PARP2: variants seen among roughly 807,000 people sequenced by gnomAD.
PARP2 encodes the protein poly(ADP-ribose) polymerase 2.
PARP2 carries 57 observed loss-of-function variants against 77.8 expected under a neutral mutation model. That is an observed-to-expected ratio of 0.73 (90% confidence interval 0.59 to 0.91). The LOEUF (loss-of-function observed/expected upper bound fraction) is 0.91, where lower values mean the gene tolerates loss of function less well. Among genes scored for constraint, PARP2 ranks in the 40% least tolerant of loss-of-function variants. The pLI is 0.00. For missense variants in PARP2, 651 were observed against 689.0 expected (o/e 0.94, Z 0.62); for synonymous variants, 226 against 242.6 (o/e 0.93, Z 0.64).
chr14:20,355,456 A>G (rs1002951877), intron 9 of PARP2: 11 of 230,376 alleles, frequency 4.8e-5, no homozygotes, highest in African/African-American at 1.2e-4. Context: ...ACTGTATCCA[A>G]CTGTTCCCTG....
chr14:20,344,965 A>C lies in PARP2; in HGVS notation c.80A>C (p.Asn27Thr). The change falls in exon 2 of 16, where the codon AAC becomes ACC. Residue 27 changes from asparagine to threonine, a missense_variant. Transcript: ENST00000429687. ...LNESKRVNNG[N>T]TAPEDSSPAK... ...GAAAGCAAAAGAGTTAATAATGGCA[A>C]CACGGCTCCAGAAGACTCTTCCCCT... The C allele has an allele frequency of 6.2e-7, 1 of 1,614,160 alleles. No homozygotes were observed. Among genetic ancestry groups the C allele is most frequent in the Non-Finnish European group, 8.5e-7 (1 of 1,180,002 alleles).
intron 4 of PARP2, among the ~76,000 whole-genome samples, chr14:20,347,369 TA>T (rs1883781129): frequency 2.2e-4 from 3 of 13,520 alleles, no homozygotes; most frequent in Non-Finnish European, 3.0e-4. Flanking sequence ...TATATATATA[TA>T]TATATATATA....
chr14:20,349,735 C>T (rs1204214895), intron 4 of PARP2, among the ~76,000 whole-genome samples: 1 of 150,220 alleles, frequency 6.7e-6, no homozygotes, highest in Non-Finnish European at 1.5e-5. Context: ...TTTTTTTTCA[C>T]CAGTGGGCTA....
intron 5 of PARP2, 60 bp from the exon 6 acceptor site, chr14:20,350,987 C>T (rs1883932865): frequency 7.7e-7 from 1 of 1,293,456 alleles, no homozygotes; most frequent in East Asian, 2.3e-5. Flanking sequence ...GCAGAGAGAT[C>T]TTGGAGAGCT....
chr14:20,353,159 C>T (rs956740492), intron 7 of PARP2, among the ~76,000 whole-genome samples: 2 of 152,136 alleles, frequency 1.3e-5, no homozygotes, highest in South Asian at 2.1e-4. Context: ...GGATTACAGG[C>T]GTGAGCCATC....
chr14:20,350,395 A>G, intron 4 of PARP2, 131 bp from the exon 5 acceptor site: 1 of 528,536 alleles, frequency 1.9e-6, no homozygotes, highest in Non-Finnish European at 3.4e-6. Context: ...ACAGGAATCT[A>G]ATTTTCTTGC....
chr14:20,355,648 C>A, intron 9 of PARP2, 104 bp from the exon 10 acceptor site: 1 of 787,216 alleles, frequency 1.3e-6, no homozygotes, highest in Non-Finnish European at 2.1e-6. Flanking sequence ...ACCTGTTTCT[C>A]ATACCTGTTT....
In PARP2 at chr14:20,354,953, G is replaced by T. The variant is rs769223139; in HGVS notation, c.902+6G>T. ...AGGATTCCGCATGACTTTGGGTAAG[G>T]CCTGTGCTGTTACTTCACTTTGTTC... On this transcript the variant is annotated splice_donor_region_variant and intron_variant, in intron 9 of 15. Transcript: ENST00000429687. 7.5e-6 allele frequency: 12 copies of T among 1,609,362 alleles called. No individual in the cohort carries two copies. In the East Asian group the frequency reaches 8.9e-5, roughly 12 times the overall value.
rs1243854961 is a variant in PARP2 at position 20,357,471 on chromosome 14, A to G, written c.1504A>G (p.Thr502Ala). 1 of 1,613,846 alleles carries G rather than the reference A, an allele frequency of 6.2e-7. No homozygotes were observed. Among genetic ancestry groups the G allele is most frequent in the African/African-American group, 1.3e-5 (1 of 74,928 alleles). ...AEGLLQGKHS[T>A]KGLGKMAPSS... ...AGGATTGCTTCAAGGTAAACATAGC[A>G]CCAAGGGGCTGGGCAAGATGGCTCC... The change falls in exon 15 of 16, where the codon ACC (threonine) becomes GCC (alanine). Residue 502 changes from threonine (T) to alanine (A), a missense_variant. Coordinates refer to ENST00000429687, the MANE Select transcript of PARP2 (RefSeq NM_001042618.2).
In PARP2 at chr14:20,347,365, TA is replaced by T. The variant is rs1566418267; in HGVS notation, c.324+453del. 6.3e-4 allele frequency among the ~76,000 whole-genome samples: 7 copies of T among 11,188 alleles called. No individual in the cohort carries two copies. The East Asian group carries it at 0.011, about 18-fold the overall frequency. 7.3% of individuals were successfully genotyped at this position (11,188 alleles called of 152,430 possible). On this transcript the variant is annotated intron_variant, in intron 4 of 15. Transcript: ENST00000429687. ...CTTCATATGTGTGTGTGTATATATA[TA>T]TATATATATATATATATATATATAT...
chr14:20,351,509 T>C (rs920691479), intron 6 of PARP2, among the ~76,000 whole-genome samples: 1 of 152,196 alleles, frequency 6.6e-6, no homozygotes, highest in African/African-American at 2.4e-5. Context: ...GTGTGGCTTA[T>C]AAAAAACTTT....
chr14:20,356,115 A>G (rs1884139986), intron 11 of PARP2, 84 bp downstream of exon 11: 2 of 1,517,120 alleles, frequency 1.3e-6, no homozygotes. Context: ...ACTTCTTGTC[A>G]AGAGCAAATT....
intron 4 of PARP2, among the ~76,000 whole-genome samples, chr14:20,347,778 T>A (rs183752311): frequency 7.2e-5 from 11 of 152,024 alleles, no homozygotes; most frequent in Non-Finnish European, 1.6e-4. Context: ...CACACTCTTA[T>A]CAGATAGCAG....
At chr14:20,355,035 T>C (rs1884094942) in intron 9 of PARP2, 88 bp downstream of exon 9, 1 of 1,225,472 alleles carries the variant, frequency 8.2e-7, no homozygotes, top group Admixed American at 2.5e-5. Context: ...TTTTAAATCT[T>C]TTATTCCTAA....
chr14:20,351,835 G>A (rs1245373660), intron 6 of PARP2, among the ~76,000 whole-genome samples: 4 of 151,442 alleles, frequency 2.6e-5, no homozygotes, highest in African/African-American at 9.7e-5. Context: ...GCAACAAAGC[G>A]AGACCCCTGA....
chr14:20,352,393 A>C, intron 7 of PARP2, 46 bp downstream of exon 7: 1 of 1,250,872 alleles, frequency 8.0e-7, no homozygotes, highest in Middle Eastern at 2.0e-4. Flanking sequence ...TTCTTTTTTT[A>C]TTTTATTTTT....
chr14:20,346,328 T>C (rs1377166741), intron 3 of PARP2, among the ~76,000 whole-genome samples: 1 of 142,070 alleles, frequency 7.0e-6, no homozygotes, highest in Non-Finnish European at 1.5e-5. Context: ...AATCTTTTTT[T>C]TTTTTTTTTT....
At chr14:20,353,306 A>G (rs1239360233) in intron 7 of PARP2, among the ~76,000 whole-genome samples, 1 of 149,576 alleles carries the variant, frequency 6.7e-6, no homozygotes, top group Non-Finnish European at 1.5e-5. Context: ...CAGTGGCGCG[A>G]TCTCGGCTCA....
intron 3 of PARP2, chr14:20,346,450 C>T (rs764372742): frequency 4.3e-4 from 70 of 164,006 alleles, no homozygotes; most frequent in Middle Eastern, 6.3e-3. Flanking sequence ...GCCTCAGCCT[C>T]CCAAGTAGCT....
Sources: allele counts gnomAD v4.1 joint callset (sites outside exome capture counted in the v4.1 genomes callset), GRCh38; gene constraint gnomAD v4.1.1; transcripts MANE v1.5; gene names NCBI Gene and HGNC (gene_info 2026-07-23, HGNC 2026-07-21).